The following NDUFS1 variants were observed in gnomAD, a reference collection of about 807,000 sequenced individuals.
NDUFS1 encodes the protein NADH:ubiquinone oxidoreductase core subunit S1, also known as NADH-ubiquinone oxidoreductase 75 kDa subunit, mitochondrial.
Under a neutral mutation model 84.4 loss-of-function variants are expected in NDUFS1, and 61 were observed. The ratio of observed to expected loss-of-function variants is 0.72; its 90% CI spans 0.59 to 0.89. NDUFS1 has a LOEUF of 0.89. NDUFS1 is among the 40% of genes least tolerant of loss of function. The pLI is 0.00. For missense variants in NDUFS1, 891 were observed against 890.0 expected (o/e 1.00, Z -0.01); for synonymous variants, 275 against 290.0 (o/e 0.95, Z 0.53).
rs565035200 is a variant in NDUFS1, at chr2:206,116,033, T to C, written c.*8152A>G. The C allele has an allele frequency of 4.1e-5, 33 of 811,946 alleles. No individual in the cohort carries two copies. In the African/African-American group the frequency reaches 4.3e-4, roughly 11 times the overall value. The allele number at this position is 811,946 out of a possible 1,614,324, so 50.3% of individuals were successfully genotyped here. The stretch of plus-strand genomic sequence containing the variant: ...TAATGCTAAAAGTTGCTATTCTAAG[T>C]CTTCTATCCACCACTAATTTAGGAC... On this transcript the variant is annotated 3_prime_UTR_variant, in exon 19 of 19. Coordinates refer to ENST00000233190, the MANE Select transcript of NDUFS1 (RefSeq NM_005006.7).
chr2:206,139,494 A>G (rs1691851908), intron 12 of NDUFS1, among the ~76,000 whole-genome samples: 1 of 152,162 alleles, frequency 6.6e-6, no homozygotes, highest in Non-Finnish European at 1.5e-5. Context: ...GCCTAAAAAA[A>G]TTTTAATTTT....
chr2:206,139,922 C>G (rs1242109494), intron 12 of NDUFS1, among the ~76,000 whole-genome samples: 1 of 122,486 alleles, frequency 8.2e-6, no homozygotes, highest in Non-Finnish European at 1.7e-5. Context: ...AGTCATGAAA[C>G]TAATTGTAAT....
chr2:206,149,116 A>C lies in NDUFS1; in HGVS notation c.262-20T>G. 3 of 1,578,258 alleles carry C rather than the reference A, an allele frequency of 1.9e-6. No homozygotes were observed. Among genetic ancestry groups the C allele is most frequent in the Non-Finnish European group, 8.7e-7 (1 of 1,148,684 alleles). On this transcript the variant is annotated intron_variant, in intron 4 of 18. Transcript: ENST00000233190. ...TACAACCTGGGATTTCAATGAAAAAAAAAAATGTGTATTTGTATTTATTTG... is the reference window on the plus strand; with the variant it reads ...TACAACCTGGGATTTCAATGAAAAACAAAAATGTGTATTTGTATTTATTTG...
intron 13 of NDUFS1, among the ~76,000 whole-genome samples, chr2:206,133,742 C>T (rs1275571934): frequency 6.6e-6 from 1 of 152,178 alleles, no homozygotes; most frequent in African/African-American, 2.4e-5. Context: ...CTTTGGGAGG[C>T]TGAGGTGGGT....
intron 15 of NDUFS1, among the ~76,000 whole-genome samples, chr2:206,129,532 G>C (rs1432151976): frequency 6.6e-6 from 1 of 151,816 alleles, no homozygotes; most frequent in African/African-American, 2.4e-5. Flanking sequence ...CAAAGTGGTG[G>C]GATTACAGCA....
chr2:206,131,701 G>A (rs536066259), intron 14 of NDUFS1, among the ~76,000 whole-genome samples: 1 of 152,230 alleles, frequency 6.6e-6, no homozygotes, highest in South Asian at 2.1e-4. Context: ...ACTTTGGAAG[G>A]CTGAGGTGGG....
intron 1 of NDUFS1, among the ~76,000 whole-genome samples, chr2:206,157,736 G>T (rs1444801265): frequency 1.3e-5 from 2 of 152,170 alleles, no homozygotes; most frequent in African/African-American, 4.8e-5. Context: ...GCAACACTTC[G>T]ATATGTGCTT....
intron 3 of NDUFS1, among the ~76,000 whole-genome samples, 170 bp from the exon 4 acceptor site, chr2:206,150,095 C>G (rs757907113): frequency 3.3e-5 from 5 of 150,928 alleles, no homozygotes; most frequent in Non-Finnish European, 7.4e-5. Context: ...GCCTTTGATT[C>G]TAACCCGTCT....
chr2:206,126,629 G>A lies in NDUFS1; in HGVS notation c.2020-18C>T. Reference sequence around the variant, plus strand: ...TTCACTAGCTGCACAAAAAAGAAGAGATCAACAATAATATGGAAAACTAGT... The same window carrying A: ...TTCACTAGCTGCACAAAAAAGAAGAAATCAACAATAATATGGAAAACTAGT... On this transcript the variant is annotated intron_variant, in intron 17 of 18. Coordinates refer to ENST00000233190, the MANE Select transcript of NDUFS1 (RefSeq NM_005006.7). 1.9e-6 allele frequency: 3 copies of A among 1,614,048 alleles called. No homozygotes were observed. The highest frequency in any genetic ancestry group is 1.7e-6 in the Non-Finnish European group (2 of 1,180,000).
chr2:206,133,942 T>G (rs1337621708), intron 13 of NDUFS1, among the ~76,000 whole-genome samples: 1 of 152,210 alleles, frequency 6.6e-6, no homozygotes. Context: ...ATTGTGCCAC[T>G]GCACTCCGTC....
Position 206,121,980 on chromosome 2 carries a change from G to C in NDUFS1, c.*2205C>G, listed in dbSNP as rs1037525009. 6.6e-6 allele frequency: 1 copy of C among 152,128 alleles called. No homozygotes were observed. The highest frequency in any genetic ancestry group is 1.5e-5 in the Non-Finnish European group (1 of 68,024). The allele number at this position is 152,128 out of a possible 1,614,324, so 9.4% of individuals were successfully genotyped here. A position where few individuals can be genotyped will look rare whatever the true frequency, so the allele number is the denominator to read the frequency against. On this transcript the variant is annotated 3_prime_UTR_variant, in exon 19 of 19. Coordinates refer to ENST00000233190, the MANE Select transcript of NDUFS1 (RefSeq NM_005006.7). ...GCACAGTGCTAAGAGGTAAGAGATG[G>C]GAAGTTTGTATTAAGTTCAAACACT...
At chr2:206,154,394 G>A (rs79170149) in intron 1 of NDUFS1, among the ~76,000 whole-genome samples, 3,300 of 152,298 alleles carry the variant, frequency 0.022, 67 homozygotes, top group South Asian at 0.038. Flanking sequence ...CACAAACAAG[G>A]GGAAGTTACT....
rs1190440977 is a variant in NDUFS1 at position 206,123,816 on chromosome 2, T to C, written c.*369A>G. ...CTTGACAAGGTGCTTAAATCTTTTC[T>C]TTAGCACTAGAAAAAAGTAGGTTTT... On this transcript the variant is annotated 3_prime_UTR_variant, in exon 19 of 19. Transcript: ENST00000233190. The C allele has an allele frequency of 5.5e-6, 1 of 180,554 alleles. No individual in the cohort carries two copies. 11.2% of individuals were successfully genotyped at this position (180,554 alleles called of 1,614,324 possible).
At chr2:206,148,205 G>A (rs540918377) in intron 5 of NDUFS1, among the ~76,000 whole-genome samples, 10 of 152,172 alleles carry the variant, frequency 6.6e-5, no homozygotes, top group Admixed American at 3.3e-4. Flanking sequence ...AATTACAGGC[G>A]TGAGCCACTG....
chr2:206,141,819 T>C, intron 12 of NDUFS1, 122 bp downstream of exon 12: 1 of 853,502 alleles, frequency 1.2e-6, no homozygotes, highest in Non-Finnish European at 1.8e-6. Context: ...AAAAAAATTG[T>C]CTTCCAGTTA....
chr2:206,143,313 T>C (rs1480958954), intron 10 of NDUFS1, among the ~76,000 whole-genome samples: 7 of 152,200 alleles, frequency 4.6e-5, no homozygotes, highest in African/African-American at 1.2e-4. Context: ...AGTGAAAAGC[T>C]GCAGAGGTGT....
At chr2:206,153,378 T>C (rs1472619733) in intron 2 of NDUFS1, among the ~76,000 whole-genome samples, 1 of 152,000 alleles carries the variant, frequency 6.6e-6, no homozygotes, top group Non-Finnish European at 1.5e-5. Context: ...ATATTTTTAG[T>C]AGTGATGGGG....
At chr2:206,148,917 C>T in intron 5 of NDUFS1, 103 bp downstream of exon 5, 1 of 859,764 alleles carries the variant, frequency 1.2e-6, no homozygotes, top group Non-Finnish European at 2.0e-6. Context: ...CCAACTTCTT[C>T]CGAGTTTGAT....
intron 5 of NDUFS1, among the ~76,000 whole-genome samples, chr2:206,148,611 A>G (rs1692250439): frequency 6.6e-6 from 1 of 152,210 alleles, no homozygotes; most frequent in Admixed American, 6.5e-5. Context: ...CAACATAGTG[A>G]GACCTCGTTT....
Sources: gnomAD v4.1 joint callset for allele counts (sites outside exome capture counted in the v4.1 genomes callset) on GRCh38, gnomAD v4.1.1 for gene constraint, MANE v1.5 for transcripts, NCBI Gene and HGNC (gene_info 2026-07-23, HGNC 2026-07-21) for gene names.